ANKRD13C: variants seen among roughly 807,000 people sequenced by gnomAD.
The protein encoded by ANKRD13C is ankyrin repeat domain-containing protein 13C.
ANKRD13C carries 16 observed loss-of-function variants against 65.5 expected under a neutral mutation model. The observed-to-expected ratio is 0.24, with a 90% CI of 0.17 to 0.37. The LOEUF (loss-of-function observed/expected upper bound fraction) is 0.37, where lower values mean the gene tolerates loss of function less well. ANKRD13C is among the 10% of genes least tolerant of loss of function. The pLI is 1.00. For missense variants in ANKRD13C, 503 were observed against 655.9 expected (o/e 0.77, Z 2.55); for synonymous variants, 235 against 238.7 (o/e 0.98, Z 0.14).
chr1:70,295,367 C>T (rs1019883500), intron 8 of ANKRD13C, among the ~76,000 whole-genome samples: 2 of 152,046 alleles, frequency 1.3e-5, no homozygotes, highest in African/African-American at 4.8e-5. Flanking sequence ...CCTGCCTCAG[C>T]CTTCCGAGTA....
chr1:70,293,869 T>C (rs890330743), intron 8 of ANKRD13C, among the ~76,000 whole-genome samples: 12 of 152,206 alleles, frequency 7.9e-5, no homozygotes, highest in Non-Finnish European at 1.8e-4. Flanking sequence ...ATGTTAAGTG[T>C]GTATTCCCCA....
At position 70,274,751 on chromosome 1, in the gene ANKRD13C, T is replaced by A. The variant is rs778760739; in HGVS notation, c.1363A>T (p.Met455Leu). 1.9e-6 allele frequency: 3 copies of A among 1,613,814 alleles called. No individual in the cohort carries two copies. Among genetic ancestry groups the A allele is most frequent in the Non-Finnish European group, 2.5e-6 (3 of 1,179,770 alleles). The change falls in exon 11 of 13, where the codon ATG becomes TTG. Residue 455 changes from methionine (M) to leucine (L), a missense_variant. Met to Leu is a conservative substitution (Grantham distance 15). Coordinates refer to ENST00000370944, the MANE Select transcript of ANKRD13C (RefSeq NM_030816.5). ...SKKTFKATIA[M>L]SQEFPLGIEL... is the part of the protein sequence containing the mutation. ...ATCCCTAAGGGAAATTCCTGGCTCA[T>A]GGCTATCGTAGCTTTAAACGTTTTC... is the stretch of plus-strand genomic sequence containing the variant.
chr1:70,347,709 T>C lies in ANKRD13C; in HGVS notation c.430+6270A>G, dbSNP rs577857606. 2.6e-5 allele frequency among the ~76,000 whole-genome samples: 4 copies of C among 152,204 alleles called. No individual in the cohort carries two copies. The East Asian group carries it at 7.7e-4, about 29-fold the overall frequency. On this transcript the variant is annotated intron_variant, in intron 1 of 12. Transcript: ENST00000370944. ...ACACAGCCACTTAACCCAAGGACAG[T>C]CCTACTCTGTTGGAGATGCACATGG...
At chr1:70,295,778 A>C (rs931146859) in intron 8 of ANKRD13C, among the ~76,000 whole-genome samples, 2 of 152,234 alleles carry the variant, frequency 1.3e-5, no homozygotes, top group Non-Finnish European at 2.9e-5. Context: ...AAACAGGTTC[A>C]GGGAAATAGA....
At chr1:70,345,216 G>A (rs1266716768) in intron 1 of ANKRD13C, among the ~76,000 whole-genome samples, 1 of 152,060 alleles carries the variant, frequency 6.6e-6, no homozygotes, top group African/African-American at 2.4e-5. Flanking sequence ...GATCACCTGA[G>A]GTAGGGAGTT....
intron 12 of ANKRD13C, among the ~76,000 whole-genome samples, chr1:70,264,344 C>T (rs1330783360): frequency 1.3e-5 from 2 of 151,682 alleles, no homozygotes; most frequent in African/African-American, 4.8e-5. Context: ...GGTGTGGTGG[C>T]GGGTGCCTAT....
intron 5 of ANKRD13C, among the ~76,000 whole-genome samples, chr1:70,308,290 C>T (rs1290173186): frequency 7.9e-5 from 12 of 152,000 alleles, no homozygotes; most frequent in Non-Finnish European, 1.8e-4. Context: ...GCCACCATAC[C>T]CAGCCAACAT....
intron 3 of ANKRD13C, among the ~76,000 whole-genome samples, chr1:70,319,607 C>CAAAAAAAAAAAAAAAAAAAAAA (rs1180827448): frequency 1.1e-4 from 13 of 121,158 alleles, no homozygotes; most frequent in African/African-American, 4.2e-4. Context: ...AACTCCATCT[C>CAAAAAAAAAAAAAAAAAAAAAA]AAAAAAAAAA....
rs776272602 is a variant in ANKRD13C at position 70,262,714 on chromosome 1, CAGTT to C, written c.1625_*2del. 7 of 1,610,914 alleles carry C rather than the reference CAGTT, an allele frequency of 4.3e-6. No individual in the cohort carries two copies. In the East Asian group the frequency reaches 1.1e-4, roughly 26 times the overall value. On this transcript the variant is annotated stop_retained_variant and 3_prime_UTR_variant, in exon 13 of 13. Coordinates refer to ENST00000370944, the MANE Select transcript of ANKRD13C (RefSeq NM_030816.5). ...GGTTAGACGGCATCCTTTTCCACGT[CAGTT>C]AAAGATCAGGAAAACGGCTTGGGTC...
intron 2 of ANKRD13C, among the ~76,000 whole-genome samples, chr1:70,329,843 A>G (rs983497979): frequency 1.3e-5 from 2 of 152,272 alleles, no homozygotes; most frequent in African/African-American, 4.8e-5. Flanking sequence ...CTGTAATCCC[A>G]GCACTTTGAG....
chr1:70,348,501 A>G (rs1430367602), intron 1 of ANKRD13C, among the ~76,000 whole-genome samples: 1 of 152,190 alleles, frequency 6.6e-6, no homozygotes, highest in East Asian at 1.9e-4. Context: ...TCCCGACCTC[A>G]GGTGATCCAC....
chr1:70,268,719 AAG>A (rs1678742652), intron 12 of ANKRD13C, among the ~76,000 whole-genome samples: 1 of 152,154 alleles, frequency 6.6e-6, no homozygotes. Context: ...GGGGAGGATG[AAG>A]ATTTGATGAT....
At chr1:70,283,554 C>A (rs1393449393) in intron 9 of ANKRD13C, among the ~76,000 whole-genome samples, 1 of 152,008 alleles carries the variant, frequency 6.6e-6, no homozygotes, top group Non-Finnish European at 1.5e-5. Flanking sequence ...CGGTGGCTCA[C>A]ACCTGTAATC....
At chr1:70,330,276 G>C (rs2101565792) in intron 2 of ANKRD13C, among the ~76,000 whole-genome samples, 1 of 152,088 alleles carries the variant, frequency 6.6e-6, no homozygotes, top group South Asian at 2.1e-4. Context: ...CACACATTTA[G>C]GCCGGAAACA....
At chr1:70,350,194 G>C (rs1161616881) in intron 1 of ANKRD13C, among the ~76,000 whole-genome samples, 1 of 152,174 alleles carries the variant, frequency 6.6e-6, no homozygotes, top group African/African-American at 2.4e-5. Flanking sequence ...CTAAGTATAT[G>C]CTGCTTTACA....
chr1:70,285,187 C>CTTTTTTTTT (rs60703728), intron 9 of ANKRD13C, among the ~76,000 whole-genome samples: 5 of 105,234 alleles, frequency 4.8e-5, no homozygotes, highest in African/African-American at 8.4e-5. Context: ...TTTATAATGT[C>CTTTTTTTTT]TTTTTTTTTT....
intron 1 of ANKRD13C, among the ~76,000 whole-genome samples, chr1:70,339,367 G>A (rs1364080840): frequency 2.0e-5 from 3 of 148,594 alleles, no homozygotes; most frequent in Admixed American, 1.4e-4. Flanking sequence ...ACCCAGGCTG[G>A]AGTGCAGTGG....
chr1:70,348,677 T>A (rs1363863427), intron 1 of ANKRD13C, among the ~76,000 whole-genome samples: 1 of 152,216 alleles, frequency 6.6e-6, no homozygotes, highest in African/African-American at 2.4e-5. Context: ...CACTGTCACT[T>A]CCCTGAGGTA....
chr1:70,335,766 G>A (rs1681998639), intron 2 of ANKRD13C, among the ~76,000 whole-genome samples: 1 of 150,178 alleles, frequency 6.7e-6, no homozygotes, highest in Non-Finnish European at 1.5e-5. Context: ...CTTAATATTT[G>A]GAAATAAGTC....
Sources: gnomAD v4.1 joint callset for allele counts (sites outside exome capture counted in the v4.1 genomes callset) on GRCh38, gnomAD v4.1.1 for gene constraint, MANE v1.5 for transcripts, NCBI Gene and HGNC (gene_info 2026-07-23, HGNC 2026-07-21) for gene names.